The following STK33 variants were observed in gnomAD, a reference collection of about 807,000 sequenced individuals.
STK33 encodes serine/threonine kinase 33, also known as serine/threonine-protein kinase 33.
In STK33, 52 loss-of-function variants were observed where a neutral mutation model predicts 58.0. The observed-to-expected ratio is 0.90, with a 90% CI of 0.72 to 1.13. STK33 has a LOEUF of 1.13. Among genes scored for constraint, STK33 ranks in the 50% most tolerant of loss-of-function variants. The pLI, the probability that STK33 is intolerant of heterozygous loss-of-function variation, is 0.00. For synonymous variants in STK33, 215 were observed against 200.1 expected, an observed-to-expected ratio of 1.07 and a Z score of -0.63; for missense variants, 630 against 604.2, an observed-to-expected ratio of 1.04 and a Z score of -0.45.
the STK33 span, among the ~76,000 whole-genome samples, chr11:8,350,156 G>A: frequency 2.6e-5 from 4 of 152,350 alleles, no homozygotes; most frequent in South Asian, 6.2e-4. Context: ...TCACTTCTGA[G>A]GGCCATCGGT....
At chr11:8,584,186 T>C (rs972334950) in intron 1 of STK33, among the ~76,000 whole-genome samples, 1 of 151,864 alleles carries the variant, frequency 6.6e-6, no homozygotes, top group African/African-American at 2.4e-5. Flanking sequence ...ATCTGGGACT[T>C]TGCTATACTT....
At chr11:8,479,674 C>T (rs1474672357) in intron 2 of STK33, among the ~76,000 whole-genome samples, 3 of 151,996 alleles carry the variant, frequency 2.0e-5, no homozygotes, top group African/African-American at 4.8e-5. Flanking sequence ...GAAACCCCGT[C>T]TCTACAAAAA....
At chr11:8,438,954 C>A (rs1944398185) in intron 12 of STK33, among the ~76,000 whole-genome samples, 1 of 152,184 alleles carries the variant, frequency 6.6e-6, no homozygotes, top group South Asian at 2.1e-4. Context: ...GTTACAGCTA[C>A]AATCACATCA....
At chr11:8,371,735 C>CCCTCCCTT in the STK33 span, among the ~76,000 whole-genome samples, 11 of 114,238 alleles carry the variant, frequency 9.6e-5, no homozygotes, top group African/African-American at 2.5e-4. Flanking sequence ...CTTCTTCTCT[C>CCCTCCCTT]CCTCCCTCCC....
intron 11 of STK33, among the ~76,000 whole-genome samples, chr11:8,449,293 A>T (rs1243499072): frequency 1.3e-5 from 2 of 151,638 alleles, no homozygotes; most frequent in Non-Finnish European, 2.9e-5. Flanking sequence ...GTATATACTC[A>T]AAGGATTATA....
chr11:8,345,402 CCCTT>C, the STK33 span, among the ~76,000 whole-genome samples: 1 of 152,258 alleles, frequency 6.6e-6, no homozygotes, highest in African/African-American at 2.4e-5. Flanking sequence ...ACCCTCGTCT[CCCTT>C]CCTTCCTTCC....
At chr11:8,516,608 C>A (rs1342289085) in intron 1 of STK33, among the ~76,000 whole-genome samples, 2 of 152,208 alleles carry the variant, frequency 1.3e-5, no homozygotes, top group Non-Finnish European at 2.9e-5. Flanking sequence ...TAGATGGTAC[C>A]TGGAAAATCG....
chr11:8,413,616 A>C lies in STK33; in HGVS notation c.1223T>G (p.Val408Gly), dbSNP rs1390881906. The change falls in exon 15 of 16, where the codon GTT (valine) becomes GGT (glycine). Residue 408 changes from valine (V) to glycine (G), a missense_variant. Transcript: ENST00000687296. ...MKEWKNNPES[V>G]EENTTEEKNK... ...CTTCTCTTCTGTTGTGTTTTCCTCA[A>C]CACTTTCTGGGTTATTTTTCCATTC... The C allele has an allele frequency of 6.2e-7, 1 of 1,613,890 alleles. No homozygotes were observed.
chr11:8,364,893 G>T, the STK33 span, among the ~76,000 whole-genome samples: 1 of 152,124 alleles, frequency 6.6e-6, no homozygotes, highest in Non-Finnish European at 1.5e-5. Flanking sequence ...ATTGGTTAAA[G>T]ATTTCTCCAC....
Position 8,469,316 on chromosome 11 carries a change from T to A in STK33, c.339+3847A>T, listed in dbSNP as rs550675392. 7.1e-4 allele frequency among the ~76,000 whole-genome samples: 108 copies of A among 152,346 alleles called. 1 individual carries two copies. Among genetic ancestry groups the A allele is most frequent in the African/African-American group, 2.5e-3 (104 of 41,584 alleles). ...TCAAAAATATTCACAGCATCTTCAC[T>A]AGGAGTATATTCCATTTCAAGAAAT... is the stretch of plus-strand genomic sequence containing the variant. On this transcript the variant is annotated intron_variant, in intron 6 of 15. Transcript: ENST00000687296.
At chr11:8,381,508 C>T in the STK33 span, among the ~76,000 whole-genome samples, 1 of 152,098 alleles carries the variant, frequency 6.6e-6, no homozygotes, top group African/African-American at 2.4e-5. Context: ...TGCCCTGATC[C>T]CCAAATAAGG....
chr11:8,473,136 C>T (rs770698610), intron 6 of STK33, 27 bp downstream of exon 6: 4 of 1,458,022 alleles, frequency 2.7e-6, no homozygotes, highest in Non-Finnish European at 3.8e-6. Flanking sequence ...TGAAAGTTCA[C>T]AGTAGCTTCA....
chr11:8,438,651 A>G (rs1407228600), intron 12 of STK33, among the ~76,000 whole-genome samples: 1 of 152,206 alleles, frequency 6.6e-6, no homozygotes, highest in East Asian at 1.9e-4. Context: ...TAAGAAAGAG[A>G]AAGATATTTA....
At chr11:8,571,495 C>T (rs768737102) in intron 1 of STK33, among the ~76,000 whole-genome samples, 17 of 152,044 alleles carry the variant, frequency 1.1e-4, no homozygotes, top group Non-Finnish European at 2.4e-4. Context: ...ATGGTTATAA[C>T]AAATTGTGAA....
At chr11:8,387,151 C>T (rs183573806), downstream of STK33, among the ~76,000 whole-genome samples, 5 of 152,190 alleles carry the variant, frequency 3.3e-5, no homozygotes. Flanking sequence ...CGTCAACATG[C>T]AAAATAATTC....
chr11:8,526,539 G>A (rs1954042058), intron 1 of STK33, among the ~76,000 whole-genome samples: 1 of 151,986 alleles, frequency 6.6e-6, no homozygotes, highest in Admixed American at 6.6e-5. Flanking sequence ...CTGCAGATGT[G>A]CTCCAAAATA....
At chr11:8,356,076 G>A in the STK33 span, among the ~76,000 whole-genome samples, 1 of 152,236 alleles carries the variant, frequency 6.6e-6, no homozygotes, top group Non-Finnish European at 1.5e-5. Flanking sequence ...GGGGTGGGGA[G>A]CTGGGGACGG....
intron 1 of STK33, among the ~76,000 whole-genome samples, chr11:8,556,026 C>T (rs992294579): frequency 6.6e-6 from 1 of 152,058 alleles, no homozygotes; most frequent in Non-Finnish European, 1.5e-5. Context: ...AGGAGGTGAA[C>T]AGATTGTAAG....
chr11:8,558,507 A>C (rs1471929663), intron 1 of STK33, among the ~76,000 whole-genome samples: 1 of 152,180 alleles, frequency 6.6e-6, no homozygotes, highest in African/African-American at 2.4e-5. Context: ...TACCTTGAAA[A>C]AAACCTGAAG....
Sources: gnomAD v4.1 joint callset for allele counts (sites outside exome capture counted in the v4.1 genomes callset) on GRCh38, gnomAD v4.1.1 for gene constraint, MANE v1.5 for transcripts, NCBI Gene and HGNC (gene_info 2026-07-23, HGNC 2026-07-21) for gene names.